The following SYNE3 variants were observed in gnomAD, a reference collection of about 807,000 sequenced individuals.
The protein encoded by SYNE3 is spectrin repeat containing nuclear envelope family member 3.
A neutral mutation model predicts 111.2 loss-of-function variants in SYNE3; 100 were observed. That is an observed-to-expected ratio of 0.90 (90% CI 0.77 to 1.06). SYNE3 has a LOEUF of 1.06. Among genes scored for constraint, SYNE3 ranks in the 50% least tolerant of loss-of-function variants. The pLI, the probability that SYNE3 is intolerant of heterozygous loss-of-function variation, is 0.00. For missense variants in SYNE3, 1,160 were observed against 1,240.3 expected, an observed-to-expected ratio of 0.94 and a Z score of 0.97; for synonymous variants, 547 against 533.9, an observed-to-expected ratio of 1.02 and a Z score of -0.34.
rs549788042 is a variant in SYNE3 at position 95,441,816 on chromosome 14, C to G, written c.1911+1339G>C. On this transcript the variant is annotated intron_variant, in intron 11 of 17. Transcript: ENST00000682763. ...CACCAATGGGGCTCCACAGGTGATG[C>G]CTTATGTCCTGGAAACTGGTGGGGA... 1.1e-4 allele frequency among the ~76,000 whole-genome samples: 16 copies of G among 152,304 alleles called. No individual in the cohort carries two copies. In the South Asian group the frequency reaches 3.3e-3, roughly 32 times the overall value.
At chr14:95,462,468 C>T (rs1024199726) in intron 4 of SYNE3, among the ~76,000 whole-genome samples, 5 of 152,244 alleles carry the variant, frequency 3.3e-5, no homozygotes, top group African/African-American at 1.2e-4. Context: ...TCCACATTGG[C>T]ATCAGCATTG....
At chr14:95,480,454 G>A (rs1018695126) in intron 1 of SYNE3, among the ~76,000 whole-genome samples, 25 of 152,122 alleles carry the variant, frequency 1.6e-4, no homozygotes, top group East Asian at 3.9e-4. Flanking sequence ...GCTTGAGACC[G>A]AGCCCATGCT....
At chr14:95,428,402 G>A (rs1049155146) in intron 17 of SYNE3, among the ~76,000 whole-genome samples, 5 of 152,098 alleles carry the variant, frequency 3.3e-5, no homozygotes, top group African/African-American at 9.7e-5. Context: ...TAAGACACCC[G>A]AATTCCAGAG....
At chr14:95,456,705 C>G (rs1887461737) in intron 5 of SYNE3, among the ~76,000 whole-genome samples, 1 of 152,144 alleles carries the variant, frequency 6.6e-6, no homozygotes, top group South Asian at 2.1e-4. Flanking sequence ...AGCGTTTAGA[C>G]TAGATTCCAC....
chr14:95,491,922 A>C (rs1445006703), intron 1 of SYNE3, among the ~76,000 whole-genome samples: 2 of 152,250 alleles, frequency 1.3e-5, no homozygotes, highest in Non-Finnish European at 2.9e-5. Context: ...CAGACAACCC[A>C]ATTATAAAAT....
chr14:95,417,773 G>A lies in SYNE3; in HGVS notation c.*53C>T. ...TCCCTGGCGAGCATCCTCAGGAGGG[G>A]CCCTGGGACTGATGGAGGTTGGAGG... On this transcript the variant is annotated 3_prime_UTR_variant, in exon 18 of 18. Transcript: ENST00000682763. The A allele has an allele frequency of 6.3e-7, 1 of 1,587,274 alleles. No homozygotes were observed. The highest frequency in any genetic ancestry group is 1.7e-5 in the Admixed American group (1 of 59,960).
Position 95,492,361 on chromosome 14 carries a change from A to C in SYNE3, c.-14-16526T>G, listed in dbSNP as rs139052369. Reference sequence around the variant, plus strand: ...TAGCCAAAAAAAGTGGGAGCAACCCAAATGTCCATCAACTGATAAATGGAT... The same window carrying C: ...TAGCCAAAAAAAGTGGGAGCAACCCCAATGTCCATCAACTGATAAATGGAT... On this transcript the variant is annotated intron_variant, in intron 1 of 17. Coordinates refer to ENST00000682763, the MANE Select transcript of SYNE3 (RefSeq NM_152592.6). 6.4e-3 allele frequency among the ~76,000 whole-genome samples: 973 copies of C among 152,390 alleles called. 13 individuals carry two copies. The highest frequency in any genetic ancestry group is 0.022 in the African/African-American group (921 of 41,600).
intron 5 of SYNE3, 34 bp from the exon 6 acceptor site, chr14:95,455,758 C>T: frequency 6.3e-7 from 1 of 1,598,738 alleles, no homozygotes; most frequent in Non-Finnish European, 8.5e-7. Context: ...GAAAAACAGG[C>T]AGGGAAAAAG....
At chr14:95,419,351 C>G (rs868789285) in intron 17 of SYNE3, among the ~76,000 whole-genome samples, 1 of 152,166 alleles carries the variant, frequency 6.6e-6, no homozygotes, top group Non-Finnish European at 1.5e-5. Context: ...ACACCTACCC[C>G]TATTTGCTGG....
chr14:95,440,098 C>T (rs747044201), intron 11 of SYNE3, 23 bp from the exon 12 acceptor site: 52 of 1,576,626 alleles, frequency 3.3e-5, no homozygotes, highest in Non-Finnish European at 4.2e-5. Flanking sequence ...CCGGGGAGCC[C>T]AGGGCATCCT....
intron 4 of SYNE3, among the ~76,000 whole-genome samples, chr14:95,463,449 C>T (rs1887968350): frequency 6.6e-6 from 1 of 152,226 alleles, no homozygotes; most frequent in Non-Finnish European, 1.5e-5. Context: ...TGCAAACCTG[C>T]ACACACACCA....
chr14:95,471,439 A>C (rs1462241018), intron 2 of SYNE3, among the ~76,000 whole-genome samples: 2 of 152,206 alleles, frequency 1.3e-5, no homozygotes, highest in Non-Finnish European at 2.9e-5. Context: ...CTGCCTTTTC[A>C]AGGGAGTGAG....
intron 17 of SYNE3, among the ~76,000 whole-genome samples, chr14:95,428,679 A>T (rs1351186330): frequency 1.3e-5 from 2 of 152,244 alleles, no homozygotes; most frequent in Non-Finnish European, 2.9e-5. Context: ...AAGGAATGCA[A>T]TATAGTTGAC....
At chr14:95,431,257 C>T (rs971257947) in intron 17 of SYNE3, among the ~76,000 whole-genome samples, 6 of 152,210 alleles carry the variant, frequency 3.9e-5, no homozygotes, top group Non-Finnish European at 1.5e-5. Flanking sequence ...CAAGTCACAA[C>T]GTGGAAGTTT....
chr14:95,511,427 G>A (rs57780809), intron 1 of SYNE3, among the ~76,000 whole-genome samples: 11,286 of 152,176 alleles, frequency 0.074, 1,292 homozygotes, highest in African/African-American at 0.25. Flanking sequence ...TGGGCCAGGC[G>A]CGGTGACTCA....
At chr14:95,492,515 G>A (rs929456011) in intron 1 of SYNE3, among the ~76,000 whole-genome samples, 3 of 152,202 alleles carry the variant, frequency 2.0e-5, no homozygotes, top group Admixed American at 2.0e-4. Flanking sequence ...CAGTCACAAA[G>A]GTCCCATGTA....
Position 95,470,691 on chromosome 14 carries a change from G to A in SYNE3, c.145-2724C>T, listed in dbSNP as rs1180624841. Among the ~76,000 whole-genome samples, 1 of 152,092 alleles carries A rather than the reference G, an allele frequency of 6.6e-6. No individual in the cohort carries two copies. The highest frequency in any genetic ancestry group is 2.4e-5 in the African/African-American group (1 of 41,400). ...AAGAAAAAAAAGAGCCGGATGTGGT[G>A]GCTCACGCCTGTAATCCCAACACTT... On this transcript the variant is annotated intron_variant, in intron 2 of 17. Transcript: ENST00000682763. The surrounding 1 kb of genome is among the most constrained non-coding windows in gnomAD (Gnocchi z 4.2).
rs933107586 is a variant in SYNE3 at position 95,452,523 on chromosome 14, A to G, written c.1138-140T>C. 25 of 1,043,880 alleles carry G rather than the reference A, an allele frequency of 2.4e-5. No homozygotes were observed. The Middle Eastern group carries it at 1.3e-3, about 55-fold the overall frequency. 64.7% of individuals were successfully genotyped at this position (1,043,880 alleles called of 1,614,324 possible). On this transcript the variant is annotated intron_variant, in intron 6 of 17. Coordinates refer to ENST00000682763, the MANE Select transcript of SYNE3 (RefSeq NM_152592.6). ...CACCAGGGGCAGGAACTGGGGCCCC[A>G]CTCTTGAGCTCAGCCCCTACCCTCC... is the stretch of plus-strand genomic sequence containing the variant.
chr14:95,481,042 G>A (rs551054604), intron 1 of SYNE3, among the ~76,000 whole-genome samples: 18 of 152,284 alleles, frequency 1.2e-4, no homozygotes, highest in South Asian at 2.1e-4. Context: ...AGAATGCTGC[G>A]GGGCTGACTG....
Sources: gnomAD v4.1 joint callset for allele counts (sites outside exome capture counted in the v4.1 genomes callset) on GRCh38, gnomAD v4.1.1 for gene constraint, Gnocchi (gnomAD v3.1) non-coding constraint, MANE v1.5 for transcripts, NCBI Gene and HGNC (gene_info 2026-07-23, HGNC 2026-07-21) for gene names.